CTNNA2: variants seen among roughly 807,000 people sequenced by gnomAD.
The protein encoded by CTNNA2 is catenin alpha 2.
CTNNA2 carries 42 observed loss-of-function variants against 101.0 expected under a neutral mutation model. That is an observed-to-expected ratio of 0.42 (90% CI 0.32 to 0.54). CTNNA2 has a LOEUF of 0.54. CTNNA2 is among the 20% of genes least tolerant of loss of function. CTNNA2 has a pLI of 0.14. For missense variants in CTNNA2, 871 were observed against 1,223.1 expected (o/e 0.71, Z 4.29); for synonymous variants, 450 against 456.4 (o/e 0.99, Z 0.18).
At chr2:80,452,558 C>G (rs1364759609) in intron 9 of CTNNA2, among the ~76,000 whole-genome samples, 1 of 151,588 alleles carries the variant, frequency 6.6e-6, no homozygotes, top group African/African-American at 2.4e-5. Context: ...ACGCCGCTGA[C>G]AAACTGACCA....
intron 7 of CTNNA2, among the ~76,000 whole-genome samples, chr2:79,912,332 C>T (rs1685860966): frequency 6.6e-6 from 1 of 152,144 alleles, no homozygotes; most frequent in Non-Finnish European, 1.5e-5. Context: ...AGCTGTGTAT[C>T]ACACCTGATA....
intron 7 of CTNNA2, among the ~76,000 whole-genome samples, chr2:80,088,449 G>A (rs1699582587): frequency 6.6e-6 from 1 of 151,844 alleles, no homozygotes; most frequent in African/African-American, 2.4e-5. Flanking sequence ...GTCCCTTATT[G>A]GTTATTTGCA....
At chr2:79,288,397 G>T (rs72917217) in intron 2 of CTNNA2, among the ~76,000 whole-genome samples, 1 of 152,262 alleles carries the variant, frequency 6.6e-6, no homozygotes. Flanking sequence ...TCATGGGTCT[G>T]TGGGTTCACT....
At chr2:80,490,271 T>TCCCCC (rs1185906142) in intron 9 of CTNNA2, among the ~76,000 whole-genome samples, 53 of 51,850 alleles carry the variant, frequency 1.0e-3, no homozygotes, top group African/African-American at 2.4e-3. Flanking sequence ...TTTTTTTCCT[T>TCCCCC]CCCCCCCCAC....
intron 9 of CTNNA2, among the ~76,000 whole-genome samples, chr2:80,439,988 T>A (rs949687034): frequency 1.7e-4 from 26 of 152,140 alleles, no homozygotes; most frequent in African/African-American, 5.6e-4. Context: ...AGAAGGCAGA[T>A]AATAAACAAT....
chr2:79,719,129 G>A (rs1334613263), intron 2 of CTNNA2, among the ~76,000 whole-genome samples: 2 of 152,068 alleles, frequency 1.3e-5, no homozygotes, highest in Non-Finnish European at 2.9e-5. Context: ...CCTTATAAGT[G>A]AGAACATGCA....
intron 7 of CTNNA2, among the ~76,000 whole-genome samples, chr2:79,957,390 C>T (rs1558674248): frequency 6.6e-6 from 1 of 152,094 alleles, no homozygotes; most frequent in Non-Finnish European, 1.5e-5. Flanking sequence ...ATGGAAGGCA[C>T]CAGCAGGAGA....
At chr2:79,922,262 A>G (rs1006342223) in intron 7 of CTNNA2, among the ~76,000 whole-genome samples, 1 of 152,186 alleles carries the variant, frequency 6.6e-6, no homozygotes, top group Non-Finnish European at 1.5e-5. Context: ...AAGTGACTCA[A>G]GAAGACATCA....
At chr2:79,967,196 A>G (rs1280779909) in intron 7 of CTNNA2, among the ~76,000 whole-genome samples, 1 of 152,064 alleles carries the variant, frequency 6.6e-6, no homozygotes, top group Non-Finnish European at 1.5e-5. Context: ...CTCAAACTTT[A>G]TATGTGTAAA....
At chr2:80,116,902 A>AGTGTGTGTGTGTGTGTGTGTGTGTGT (rs112383959) in intron 7 of CTNNA2, among the ~76,000 whole-genome samples, 25 of 143,624 alleles carry the variant, frequency 1.7e-4, no homozygotes, top group Non-Finnish European at 2.6e-4. Context: ...AGAAGAAAAT[A>AGTGTGTGTGTGTGTGTGTGTGTGTGT]GTGTGTGTGT....
At chr2:80,344,812 T>C (rs1672582195) in intron 7 of CTNNA2, among the ~76,000 whole-genome samples, 2 of 152,098 alleles carry the variant, frequency 1.3e-5, no homozygotes, top group South Asian at 4.2e-4. Flanking sequence ...TGACCATCCC[T>C]CTCTATCTGC....
At chr2:80,535,668 A>G (rs775082184) in intron 9 of CTNNA2, among the ~76,000 whole-genome samples, 3 of 152,170 alleles carry the variant, frequency 2.0e-5, no homozygotes, top group Non-Finnish European at 4.4e-5. Flanking sequence ...TTTAAAACAG[A>G]GGCAAGAAAA....
intron 2 of CTNNA2, among the ~76,000 whole-genome samples, chr2:79,651,927 A>T (rs1438733971): frequency 6.6e-6 from 1 of 152,144 alleles, no homozygotes; most frequent in African/African-American, 2.4e-5. Flanking sequence ...CATTTACGGT[A>T]ATGGGTTCAA....
At chr2:79,880,183 G>T (rs906606672) in intron 6 of CTNNA2, among the ~76,000 whole-genome samples, 9 of 152,296 alleles carry the variant, frequency 5.9e-5, no homozygotes, top group African/African-American at 1.9e-4. Flanking sequence ...TGGTCATGGA[G>T]GGTAAGTTTT....
intron 3 of CTNNA2, among the ~76,000 whole-genome samples, chr2:79,780,750 T>A (rs1674357361): frequency 6.6e-6 from 1 of 152,224 alleles, no homozygotes; most frequent in South Asian, 2.1e-4. Flanking sequence ...TTTCTGCACT[T>A]ACTGTTTAGA....
intron 2 of CTNNA2, among the ~76,000 whole-genome samples, chr2:79,696,014 C>T (rs1189752694): frequency 6.6e-6 from 1 of 151,950 alleles, no homozygotes; most frequent in Non-Finnish European, 1.5e-5. Context: ...CCAGGTCTAT[C>T]CTGTCCCTTG....
At chr2:80,203,365 G>A (rs1054999277) in intron 7 of CTNNA2, among the ~76,000 whole-genome samples, 35 of 152,306 alleles carry the variant, frequency 2.3e-4, no homozygotes, top group Admixed American at 5.2e-4. Context: ...AAAATCAAAA[G>A]CAAGTTAGTT....
intron 4 of CTNNA2, among the ~76,000 whole-genome samples, chr2:79,490,288 C>T (rs1010012000): frequency 1.3e-5 from 2 of 152,162 alleles, no homozygotes; most frequent in Admixed American, 6.5e-5. Context: ...AAATACCGGT[C>T]TGTCTTTGCT....
intron 4 of CTNNA2, among the ~76,000 whole-genome samples, chr2:79,387,991 T>C (rs899225312): frequency 1.3e-5 from 2 of 152,118 alleles, no homozygotes; most frequent in African/African-American, 4.8e-5. Context: ...AGACCCTGCA[T>C]CTTGAAGCAT....
Sources: gnomAD v4.1 joint callset for allele counts (sites outside exome capture counted in the v4.1 genomes callset) on GRCh38, gnomAD v4.1.1 for gene constraint, MANE v1.5 for transcripts, NCBI Gene and HGNC (gene_info 2026-07-23, HGNC 2026-07-21) for gene names.